The following THBS4 variants were observed in gnomAD, a reference collection of about 807,000 sequenced individuals.
THBS4 encodes the protein thrombospondin 4.
Under a neutral mutation model 115.7 loss-of-function variants are expected in THBS4, and 90 were observed. That is an observed-to-expected ratio of 0.78 (90% CI 0.66 to 0.93). THBS4 has a LOEUF of 0.93. Ranked by LOEUF, THBS4 falls within the 40% of genes least tolerant of loss-of-function variation. The pLI is 0.00. For missense variants in THBS4, 1,087 were observed against 1,232.7 expected, an observed-to-expected ratio of 0.88 and a Z score of 1.77; for synonymous variants, 460 against 479.3, an observed-to-expected ratio of 0.96 and a Z score of 0.53.
intron 2 of THBS4, among the ~76,000 whole-genome samples, chr5:80,007,094 CAAGG>C: frequency 6.6e-6 from 1 of 152,188 alleles, no homozygotes; most frequent in East Asian, 1.9e-4. Context: ...GGAGCAGAGA[CAAGG>C]AAGAGTCAAT....
At chr5:80,058,018 A>G (rs1029404257) in intron 3 of THBS4, among the ~76,000 whole-genome samples, 188 bp from the exon 4 acceptor site, 9 of 152,246 alleles carry the variant, frequency 5.9e-5, no homozygotes, top group Non-Finnish European at 1.3e-4. Flanking sequence ...GGCTACTTAC[A>G]TATTCACTTT....
At chr5:80,001,810 G>A (rs1831904866) in intron 2 of THBS4, among the ~76,000 whole-genome samples, 1 of 152,156 alleles carries the variant, frequency 6.6e-6, no homozygotes, top group Non-Finnish European at 1.5e-5. Flanking sequence ...AAAGGAATTT[G>A]GAGTTGGAGG....
At position 80,071,004 on chromosome 5, in the gene THBS4, G is replaced by A. The variant is rs2112138713; in HGVS notation, c.1561-17G>A. ...TTAGTAAAAGTCTGAGTGATGTTCT[G>A]TCCTTTCATCTTTTAGGATAACTGT... On this transcript the variant is annotated splice_polypyrimidine_tract_variant and intron_variant, in intron 12 of 21. Coordinates refer to ENST00000350881, the MANE Select transcript of THBS4 (RefSeq NM_003248.6). 6.2e-7 allele frequency: 1 copy of A among 1,612,022 alleles called. No homozygotes were observed. Among genetic ancestry groups the A allele is most frequent in the Non-Finnish European group, 8.5e-7 (1 of 1,179,624 alleles).
chr5:80,080,884 C>T (rs1743470579), intron 20 of THBS4, among the ~76,000 whole-genome samples: 1 of 152,144 alleles, frequency 6.6e-6, no homozygotes, highest in South Asian at 2.1e-4. Context: ...TGTGCCTAGC[C>T]ATAGCTTATT....
chr5:79,993,187 C>T (rs142131440), intron 1 of THBS4, among the ~76,000 whole-genome samples: 24 of 152,216 alleles, frequency 1.6e-4, no homozygotes, highest in African/African-American at 5.8e-4. Context: ...GAAATTAAAT[C>T]TCTTCCCTTA....
upstream of THBS4, among the ~76,000 whole-genome samples, chr5:80,030,644 G>A (rs1233415324): frequency 2.0e-5 from 3 of 152,114 alleles, no homozygotes; most frequent in Admixed American, 2.0e-4. Flanking sequence ...TGAGATTATA[G>A]GTGTGAGCTA....
At chr5:80,078,645 T>C (rs1580992531) in intron 17 of THBS4, among the ~76,000 whole-genome samples, 2 of 152,222 alleles carry the variant, frequency 1.3e-5, no homozygotes, top group Admixed American at 1.3e-4. Flanking sequence ...GAAGTATATG[T>C]TGTATGCTCC....
chr5:80,062,693 C>A (rs1440210223), intron 8 of THBS4, among the ~76,000 whole-genome samples: 1 of 152,140 alleles, frequency 6.6e-6, no homozygotes, highest in Non-Finnish European at 1.5e-5. Flanking sequence ...CCTCCCCCTA[C>A]CCCATGACAG....
intron 20 of THBS4, 37 bp from the exon 21 acceptor site, chr5:80,082,369 G>T: frequency 6.2e-7 from 1 of 1,609,698 alleles, no homozygotes; most frequent in Non-Finnish European, 8.5e-7. Context: ...CCCCGGGTTG[G>T]ATTTCATGGA....
rs1305835312 is a variant in THBS4 at position 80,078,982 on chromosome 5, C to A, written c.2314+13C>A. The A allele has an allele frequency of 6.2e-7, 1 of 1,613,882 alleles. No homozygotes were observed. Among genetic ancestry groups the A allele is most frequent in the African/African-American group, 1.3e-5 (1 of 74,922 alleles). On this transcript the variant is annotated intron_variant, in intron 18 of 21. Transcript: ENST00000350881. The stretch of plus-strand genomic sequence containing the variant: ...GGCCTGGCAGTGGGTATGTCCAGGG[C>A]CTCAGTTGCCACTCACATAGAATTC...
intron 2 of THBS4, among the ~76,000 whole-genome samples, chr5:80,014,474 T>G (rs1832208844): frequency 6.6e-6 from 1 of 152,166 alleles, no homozygotes; most frequent in Non-Finnish European, 1.5e-5. Flanking sequence ...CTTGGAAGCA[T>G]CAACATTCTC....
At chr5:80,020,600 G>GT (rs1445367314) in intron 2 of THBS4, among the ~76,000 whole-genome samples, 1 of 152,226 alleles carries the variant, frequency 6.6e-6, no homozygotes, top group Non-Finnish European at 1.5e-5. Context: ...GGGGGAATGT[G>GT]GATCGCTGAC....
intron 2 of THBS4, among the ~76,000 whole-genome samples, chr5:80,025,648 C>A (rs949947474): frequency 1.3e-5 from 2 of 152,170 alleles, no homozygotes; most frequent in Non-Finnish European, 1.5e-5. Flanking sequence ...AGGAGGAGCT[C>A]TTCCTGATAG....
At position 80,078,138 on chromosome 5, in the gene THBS4, A is replaced by G. The variant is rs1163808518; in HGVS notation, c.2176A>G (p.Thr726Ala). 1.9e-6 allele frequency: 3 copies of G among 1,612,572 alleles called. No individual in the cohort carries two copies. The highest frequency in any genetic ancestry group is 2.7e-5 in the African/African-American group (2 of 74,910). ...IDVCPENAEV[T>A]LTDFRAYQTV... ...CGTCTGCCCAGAGAACGCAGAGGTCACCCTGACCGACTTCAGGGCTTACCA... is the reference window on the plus strand; with the variant it reads ...CGTCTGCCCAGAGAACGCAGAGGTCGCCCTGACCGACTTCAGGGCTTACCA... Residue 726 changes from threonine to alanine, a missense_variant, in exon 17 of 22, where the codon ACC becomes GCC. Thr to Ala is a moderately conservative substitution (Grantham distance 58). This residue lies in a region of THBS4 where 979 missense variants were observed against 1,103.7 expected (regional missense o/e 0.89). Transcript: ENST00000350881.
In THBS4 at chr5:80,073,191, T is replaced by C. The variant is rs150002497; in HGVS notation, c.1840-84T>C. The C allele has an allele frequency of 4.1e-3, 5,788 of 1,396,110 alleles. 36 individuals are homozygous for C. Among genetic ancestry groups the C allele is most frequent in the Non-Finnish European group, 3.8e-3 (3,757 of 987,156 alleles). 86.5% of individuals were successfully genotyped at this position (1,396,110 alleles called of 1,614,324 possible). The stretch of plus-strand genomic sequence containing the variant: ...CAGAGAAATAATTCCCCAAATCCAA[T>C]GATGATGGGTGAGGTCTGCCTTCTC... On this transcript the variant is annotated intron_variant, in intron 14 of 21. Coordinates refer to ENST00000350881, the MANE Select transcript of THBS4 (RefSeq NM_003248.6).
chr5:80,034,932 A>G (rs1252549119), upstream of THBS4, among the ~76,000 whole-genome samples: 1 of 152,208 alleles, frequency 6.6e-6, no homozygotes, highest in Non-Finnish European at 1.5e-5. Context: ...TGGGCATTCA[A>G]AGCCGATCCA....
chr5:79,992,609 G>T (rs1831706194), intron 1 of THBS4, among the ~76,000 whole-genome samples: 1 of 152,190 alleles, frequency 6.6e-6, no homozygotes, highest in African/African-American at 2.4e-5. Flanking sequence ...CATTAAAACT[G>T]TCGAAACATT....
At position 80,040,145 on chromosome 5, in the gene THBS4, C is replaced by A. The variant is rs1299781635; in HGVS notation, c.157C>A (p.Pro53Thr). Reference sequence around the variant, plus strand: ...CGCTCTGCTGCCAGTCCTGACAGACCCCGCCCTGAATGATCTCTATGTGAT... The same window carrying A: ...CGCTCTGCTGCCAGTCCTGACAGACACCGCCCTGAATGATCTCTATGTGAT... Reference protein sequence around the residue: ...PGALLPVLTDPALNDLYVIST... With the variant: ...PGALLPVLTDTALNDLYVIST... The change falls in exon 2 of 22, where the codon CCC (proline) becomes ACC (threonine). Residue 53 changes from proline to threonine, a missense_variant. Coordinates refer to ENST00000350881, the MANE Select transcript of THBS4 (RefSeq NM_003248.6). The A allele has an allele frequency of 1.2e-6, 2 of 1,614,118 alleles. No homozygotes were observed. The highest frequency in any genetic ancestry group is 1.7e-6 in the Non-Finnish European group (2 of 1,180,034).
rs770996164 is a variant in THBS4 at position 80,065,471 on chromosome 5, T to C, written c.1188T>C (p.Asn396=). The stretch of plus-strand genomic sequence containing the variant: ...GCGTTCCCAACTCGATCTGCGTTAA[T>C]ACTTTGGTAAGTATTTCTCACAGCT... ...GACVPNSICV[N]TLGSYRCGPC... Residue 396 remains asparagine, a synonymous_variant, in exon 9 of 22, where the codon AAT becomes AAC. Coordinates refer to ENST00000350881, the MANE Select transcript of THBS4 (RefSeq NM_003248.6). 6.2e-7 allele frequency: 1 copy of C among 1,613,378 alleles called. No individual in the cohort carries two copies. The highest frequency in any genetic ancestry group is 1.1e-5 in the South Asian group (1 of 90,934).
Sources: allele counts gnomAD v4.1 joint callset (sites outside exome capture counted in the v4.1 genomes callset), GRCh38; gene constraint gnomAD v4.1.1; regional missense constraint gnomAD v4.1.1; transcripts MANE v1.5; gene names NCBI Gene and HGNC (gene_info 2026-07-23, HGNC 2026-07-21).